The following NOS1AP variants were observed in gnomAD, a reference collection of about 807,000 sequenced individuals.
The protein encoded by NOS1AP is carboxyl-terminal PDZ ligand of neuronal nitric oxide synthase protein.
NOS1AP carries 21 observed loss-of-function variants against 56.2 expected under a neutral mutation model. That is an observed-to-expected ratio of 0.37 (90% CI 0.26 to 0.54). The LOEUF is 0.54. Among genes scored for constraint, NOS1AP ranks in the 20% least tolerant of loss-of-function variants. The probability of loss-of-function intolerance (pLI) is 0.84; values close to 1 mark genes in which losing one functional copy is unlikely to be tolerated. For synonymous variants in NOS1AP, 270 were observed against 274.6 expected, an observed-to-expected ratio of 0.98 and a Z score of 0.17; for missense variants, 522 against 657.8, an observed-to-expected ratio of 0.79 and a Z score of 2.26.
At chr1:162,362,453 A>C (rs1455793653) in intron 8 of NOS1AP, among the ~76,000 whole-genome samples, 1 of 140,512 alleles carries the variant, frequency 7.1e-6, no homozygotes. Context: ...TCAAAAAAAA[A>C]AAAAAAAGAA....
intron 2 of NOS1AP, among the ~76,000 whole-genome samples, chr1:162,259,697 A>T (rs1654149057): frequency 6.6e-6 from 1 of 152,242 alleles, no homozygotes; most frequent in African/African-American, 2.4e-5. Flanking sequence ...GTAAAAGAGT[A>T]TGAAATGTTT....
At position 162,203,902 on chromosome 1, in the gene NOS1AP, C is replaced by T. The variant is rs184030170; in HGVS notation, c.177+49426C>T. ...TATTAAAGAAGCACCAAGGGTCAGC[C>T]CATAAAGATCTGAAGTTCAAGAAAT... On this transcript the variant is annotated intron_variant, in intron 2 of 9. Transcript: ENST00000361897. Among the ~76,000 whole-genome samples the T allele has an allele frequency of 3.3e-5, 5 of 152,202 alleles. No individual in the cohort carries two copies. In the East Asian group the frequency reaches 7.7e-4, roughly 24 times the overall value.
chr1:162,343,744 CTG>C, intron 5 of NOS1AP, 89 bp from the exon 6 acceptor site: 7 of 1,465,680 alleles, frequency 4.8e-6, no homozygotes, highest in Non-Finnish European at 6.7e-6. Context: ...TTAGATTTTT[CTG>C]TCTCTTTCTT....
At chr1:162,300,732 A>T (rs201254098) in intron 4 of NOS1AP, 26 bp downstream of exon 4, 36 of 1,608,148 alleles carry the variant, frequency 2.2e-5, no homozygotes, top group Non-Finnish European at 3.1e-5. Flanking sequence ...AGCACCCAAG[A>T]TATCACTGAG....
At chr1:162,245,796 A>T (rs1557847063) in intron 2 of NOS1AP, among the ~76,000 whole-genome samples, 1 of 152,238 alleles carries the variant, frequency 6.6e-6, no homozygotes, top group East Asian at 1.9e-4. Context: ...AATGTCTTTA[A>T]GTATTCTCTT....
At chr1:162,335,407 G>A (rs1162831977) in intron 5 of NOS1AP, among the ~76,000 whole-genome samples, 7 of 152,252 alleles carry the variant, frequency 4.6e-5, no homozygotes, top group Non-Finnish European at 7.3e-5. Context: ...CAGAACTGGG[G>A]AGGGCTGGGG....
chr1:162,078,483 T>C (rs376709917), intron 1 of NOS1AP, among the ~76,000 whole-genome samples: 3 of 152,112 alleles, frequency 2.0e-5, no homozygotes, highest in African/African-American at 7.2e-5. Flanking sequence ...CAAATCCTCT[T>C]GAATGTTCCC....
rs16856790 is a variant in NOS1AP, at chr1:162,131,128, C to T, written c.106-23277C>T. 6.8e-3 allele frequency among the ~76,000 whole-genome samples: 1,035 copies of T among 152,100 alleles called. 12 individuals carry two copies. The highest frequency in any genetic ancestry group is 0.024 in the African/African-American group (985 of 41,498). The stretch of plus-strand genomic sequence containing the variant: ...AAAGCATGACCCTTTAGAACTACTG[C>T]GTATTTTATATTTGATCGAATGTTT... On this transcript the variant is annotated intron_variant, in intron 1 of 9. Transcript: ENST00000361897.
chr1:162,356,872 G>T (rs1248340987), intron 7 of NOS1AP, 88 bp from the exon 8 acceptor site: 2 of 1,607,848 alleles, frequency 1.2e-6, no homozygotes, highest in Non-Finnish European at 1.7e-6. Context: ...GTGCCAATTT[G>T]CTCCTCCTGA....
intron 2 of NOS1AP, among the ~76,000 whole-genome samples, chr1:162,183,523 A>G (rs975070457): frequency 6.6e-6 from 1 of 152,226 alleles, no homozygotes; most frequent in Non-Finnish European, 1.5e-5. Context: ...TTCTTCCAAT[A>G]GATGGCTCTT....
chr1:162,283,551 G>A (rs780845691), intron 2 of NOS1AP, among the ~76,000 whole-genome samples: 1 of 152,120 alleles, frequency 6.6e-6, no homozygotes, highest in African/African-American at 2.4e-5. Context: ...ACTTCTCATC[G>A]ATGTTCTTAC....
At chr1:162,221,842 T>C (rs1418022593) in intron 2 of NOS1AP, among the ~76,000 whole-genome samples, 3 of 152,182 alleles carry the variant, frequency 2.0e-5, no homozygotes, top group Admixed American at 2.0e-4. Flanking sequence ...CTATAGCTTG[T>C]TTTCTTTTTA....
At chr1:162,338,022 T>C (rs1363280973) in intron 5 of NOS1AP, among the ~76,000 whole-genome samples, 1 of 152,188 alleles carries the variant, frequency 6.6e-6, no homozygotes, top group Admixed American at 6.5e-5. Flanking sequence ...TTTACTAAGA[T>C]TCCCCCCAAC....
chr1:162,359,250 A>G (rs1657806351), intron 8 of NOS1AP, among the ~76,000 whole-genome samples: 1 of 152,156 alleles, frequency 6.6e-6, no homozygotes, highest in African/African-American at 2.4e-5. Context: ...GTGGTGATCA[A>G]AAGGCCACCA....
chr1:162,203,470 C>T (rs1299466148), intron 2 of NOS1AP, among the ~76,000 whole-genome samples: 5 of 152,154 alleles, frequency 3.3e-5, no homozygotes, highest in African/African-American at 7.2e-5. Context: ...TAGCAATTTT[C>T]AAAAGGCGAG....
chr1:162,181,737 G>C (rs1047874306), intron 2 of NOS1AP, among the ~76,000 whole-genome samples: 4 of 152,194 alleles, frequency 2.6e-5, no homozygotes, highest in Non-Finnish European at 4.4e-5. Flanking sequence ...TTGTAGGATG[G>C]AGCCCAAAAT....
intron 6 of NOS1AP, among the ~76,000 whole-genome samples, chr1:162,352,432 T>TC (rs1415465583): frequency 6.6e-6 from 1 of 152,054 alleles, no homozygotes; most frequent in African/African-American, 2.4e-5. Context: ...TTTTTTTTTT[T>TC]TCTGACATTC....
chr1:162,359,137 C>T (rs928835397), intron 8 of NOS1AP, among the ~76,000 whole-genome samples: 11 of 152,114 alleles, frequency 7.2e-5, no homozygotes, highest in Admixed American at 7.2e-4. Flanking sequence ...GCTTCATGAG[C>T]CTCTCTCGGT....
chr1:162,358,908 G>C (rs531806623), intron 8 of NOS1AP, among the ~76,000 whole-genome samples: 1 of 152,354 alleles, frequency 6.6e-6, no homozygotes, highest in South Asian at 2.1e-4. Flanking sequence ...CCACACAATA[G>C]TGTTGTGGCG....
Sources: allele counts gnomAD v4.1 joint callset (sites outside exome capture counted in the v4.1 genomes callset), GRCh38; gene constraint gnomAD v4.1.1; transcripts MANE v1.5; gene names NCBI Gene and HGNC (gene_info 2026-07-23, HGNC 2026-07-21).